Variants in MIER1 observed in about 807,000 individuals in gnomAD.
MIER1 encodes MIER1 transcriptional regulator.
MIER1 carries 40 observed loss-of-function variants against 75.7 expected under a neutral mutation model. That is an observed-to-expected ratio of 0.53 (90% CI 0.41 to 0.69). The LOEUF (loss-of-function observed/expected upper bound fraction) is 0.69, where lower values mean the gene tolerates loss of function less well. Among genes scored for constraint, MIER1 ranks in the 30% least tolerant of loss-of-function variants. The pLI is 0.00. For synonymous variants in MIER1, 213 were observed against 223.4 expected (o/e 0.95, Z 0.42); for missense variants, 574 against 680.2 (o/e 0.84, Z 1.74).
At chr1:66,965,039 A>G (rs1262831845) in intron 8 of MIER1, among the ~76,000 whole-genome samples, 1 of 152,236 alleles carries the variant, frequency 6.6e-6, no homozygotes, top group Non-Finnish European at 1.5e-5. Context: ...GTTTTAATAC[A>G]TCATTTAAAT....
chr1:66,936,857 G>C (rs1241194874), intron 2 of MIER1, among the ~76,000 whole-genome samples: 1 of 151,652 alleles, frequency 6.6e-6, no homozygotes, highest in Non-Finnish European at 1.5e-5. Context: ...AAATTAGCCA[G>C]ACGTGGTGGT....
intron 4 of MIER1, among the ~76,000 whole-genome samples, chr1:66,953,936 G>A (rs1264538553): frequency 6.6e-6 from 1 of 151,806 alleles, no homozygotes; most frequent in Non-Finnish European, 1.5e-5. Context: ...AATAAGTAAG[G>A]GTATTTTTTT....
At chr1:66,939,879 T>A (rs1350459316) in intron 2 of MIER1, 149 bp from the exon 3 acceptor site, 2 of 586,936 alleles carry the variant, frequency 3.4e-6, no homozygotes, top group Non-Finnish European at 5.9e-6. Context: ...TTAGTTTGTC[T>A]TGGAAAATGC....
intron 2 of MIER1, among the ~76,000 whole-genome samples, chr1:66,939,684 GAA>G (rs1442354153): frequency 5.3e-5 from 8 of 152,038 alleles, no homozygotes; most frequent in African/African-American, 1.4e-4. Flanking sequence ...GTTGATAGGA[GAA>G]AATCTATTTC....
chr1:66,939,584 A>C (rs1255057013), intron 2 of MIER1, among the ~76,000 whole-genome samples: 1 of 152,164 alleles, frequency 6.6e-6, no homozygotes, highest in Admixed American at 6.5e-5. Context: ...TATTTGAGAT[A>C]GTGTCCTAAA....
chr1:66,945,259 T>C (rs1657226437), intron 3 of MIER1, among the ~76,000 whole-genome samples: 1 of 122,530 alleles, frequency 8.2e-6, no homozygotes, highest in African/African-American at 3.0e-5. Context: ...TTAAATAATC[T>C]GGTGTGTGTA....
chr1:66,958,022 C>G (rs1477543974), intron 4 of MIER1, 37 bp from the exon 5 acceptor site: 1 of 1,357,634 alleles, frequency 7.4e-7, no homozygotes, highest in Admixed American at 2.0e-5. Context: ...AGAAATATCA[C>G]TGATTCAGAG....
intron 3 of MIER1, among the ~76,000 whole-genome samples, chr1:66,943,036 T>C (rs144322601): frequency 6.6e-6 from 1 of 152,302 alleles, no homozygotes; most frequent in African/African-American, 2.4e-5. Flanking sequence ...TATATTCTGA[T>C]TGGATAATAG....
intron 4 of MIER1, chr1:66,947,976 A>G: frequency 1.0e-6 from 1 of 985,076 alleles, no homozygotes; most frequent in Non-Finnish European, 1.2e-6. Context: ...CTGTCCCCTA[A>G]TTAGGTTTTA....
At chr1:66,951,484 T>G (rs1658934655) in intron 4 of MIER1, among the ~76,000 whole-genome samples, 1 of 152,162 alleles carries the variant, frequency 6.6e-6, no homozygotes. Context: ...TTCCTTTAGC[T>G]TATGCAGACA....
intron 4 of MIER1, among the ~76,000 whole-genome samples, chr1:66,957,524 GAGA>G (rs2101682035): frequency 6.6e-6 from 1 of 151,350 alleles, no homozygotes; most frequent in East Asian, 1.9e-4. Context: ...GATAACCATA[GAGA>G]AGAATATATG....
chr1:66,944,831 T>C (rs1288627636), intron 3 of MIER1, among the ~76,000 whole-genome samples: 1 of 152,066 alleles, frequency 6.6e-6, no homozygotes, highest in African/African-American at 2.4e-5. Context: ...GCTCAGGCAC[T>C]TCTCCTGCCT....
chr1:66,948,319 A>T (rs1437867922), intron 4 of MIER1: 1 of 674,448 alleles, frequency 1.5e-6, no homozygotes, highest in Non-Finnish European at 1.8e-6. Context: ...TGGAATACAT[A>T]ATATCATGAA....
chr1:66,947,893 C>G (rs1658044023), intron 4 of MIER1: 4 of 982,940 alleles, frequency 4.1e-6, no homozygotes, highest in South Asian at 4.7e-5. Flanking sequence ...TTCTCACTCT[C>G]TGGTATATGC....
intron 9 of MIER1, among the ~76,000 whole-genome samples, 166 bp from the exon 10 acceptor site, chr1:66,971,489 C>T (rs1489512820): frequency 1.3e-5 from 2 of 151,944 alleles, no homozygotes; most frequent in Admixed American, 6.6e-5. Flanking sequence ...TTATCAGGAT[C>T]GAATTCATAT....
intron 3 of MIER1, among the ~76,000 whole-genome samples, chr1:66,945,710 TA>T (rs1657466579): frequency 6.6e-6 from 1 of 152,094 alleles, no homozygotes; most frequent in South Asian, 2.1e-4. Flanking sequence ...AAAAAAATAT[TA>T]AAAAATTAGC....
chr1:66,925,206 T>G, intron 1 of MIER1, 111 bp downstream of exon 1: 1 of 1,414,090 alleles, frequency 7.1e-7, no homozygotes, highest in Non-Finnish European at 9.2e-7. Flanking sequence ...CACGGCAGTG[T>G]ACCGCCCGGA....
chr1:66,968,981 C>T (rs926277127), intron 8 of MIER1, among the ~76,000 whole-genome samples: 2 of 152,080 alleles, frequency 1.3e-5, no homozygotes, highest in African/African-American at 2.4e-5. Context: ...TAAGAACTTT[C>T]GTCTGCAGAG....
intron 2 of MIER1, among the ~76,000 whole-genome samples, chr1:66,936,610 T>C (rs1294355541): frequency 6.6e-6 from 1 of 152,132 alleles, no homozygotes; most frequent in Non-Finnish European, 1.5e-5. Flanking sequence ...AGGAAGGTAT[T>C]GTTAAGATAA....
Sources: allele counts gnomAD v4.1 joint callset (sites outside exome capture counted in the v4.1 genomes callset), GRCh38; gene constraint gnomAD v4.1.1; transcripts MANE v1.5; gene names NCBI Gene and HGNC (gene_info 2026-07-23, HGNC 2026-07-21).